The following CCL23 variants were observed in gnomAD, a reference collection of about 807,000 sequenced individuals.
CCL23 encodes C-C motif chemokine 23.
Under a neutral mutation model 11.8 loss-of-function variants are expected in CCL23, and 10 were observed. The ratio of observed to expected loss-of-function variants is 0.84; its 90% CI spans 0.52 to 1.43. The LOEUF (loss-of-function observed/expected upper bound fraction) is 1.43, where lower values mean the gene tolerates loss of function less well. CCL23 is among the 40% of genes most tolerant of loss of function. The pLI, the probability that CCL23 is intolerant of heterozygous loss-of-function variation, is 0.00. For synonymous variants in CCL23, 60 were observed against 61.0 expected, an observed-to-expected ratio of 0.98 and a Z score of 0.07; for missense variants, 181 against 170.9, an observed-to-expected ratio of 1.06 and a Z score of -0.33.
chr17:36,016,554 G>C (rs1024496013), intron 1 of CCL23, among the ~76,000 whole-genome samples: 1 of 151,924 alleles, frequency 6.6e-6, no homozygotes, highest in African/African-American at 2.4e-5. Flanking sequence ...GTGCCACATT[G>C]TCTTTATCCA....
rs2090071454 is a variant in CCL23, at chr17:36,013,299, G to A, written c.312C>T (p.Thr104=). The A allele has an allele frequency of 6.2e-7, 1 of 1,611,468 alleles. No individual in the cohort carries two copies. Among genetic ancestry groups the A allele is most frequent in the East Asian group, 2.2e-5 (1 of 44,862 alleles). ...ECSKPGVIFL[T]KKGRRFCANP... ...TGGCACAGAAACGTCGCCCCTTCTT[G>A]GTGAGGAAGCTAGGGAACAAGGGGG... The change falls in exon 4 of 4, where the codon ACC becomes ACT. Residue 104 remains threonine, a synonymous_variant. Coordinates refer to ENST00000615050, the MANE Select transcript of CCL23 (RefSeq NM_005064.6).
chr17:36,014,415 G>A (rs200275012), intron 1 of CCL23, 22 bp from the exon 2 acceptor site: 3 of 1,601,108 alleles, frequency 1.9e-6, no homozygotes, highest in African/African-American at 1.3e-5. Context: ...AGACAGGACA[G>A]GGAAGGAAAT....
intron 1 of CCL23, among the ~76,000 whole-genome samples, chr17:36,015,300 T>A (rs908353399): frequency 6.6e-6 from 1 of 152,236 alleles, no homozygotes; most frequent in Non-Finnish European, 1.5e-5. Flanking sequence ...CTTAAATTTT[T>A]ATTTTTTCTT....
At chr17:36,017,404 T>C (rs1164760630) in intron 1 of CCL23, among the ~76,000 whole-genome samples, 1 of 152,134 alleles carries the variant, frequency 6.6e-6, no homozygotes, top group Non-Finnish European at 1.5e-5. Flanking sequence ...CTTGGTTGAG[T>C]CATTTGTGTG....
chr17:36,015,037 A>G (rs959900691), intron 1 of CCL23, among the ~76,000 whole-genome samples: 4 of 152,196 alleles, frequency 2.6e-5, no homozygotes, highest in African/African-American at 9.7e-5. Context: ...ATACACTCAA[A>G]TAACTATGCA....
chr17:36,014,470 C>T, intron 1 of CCL23, 77 bp from the exon 2 acceptor site: 9 of 1,126,342 alleles, frequency 8.0e-6, no homozygotes, highest in East Asian at 2.4e-5. Flanking sequence ...CACCCCATTG[C>T]TCATCCTCCT....
In CCL23 at chr17:36,013,079, A is replaced by G; in HGVS notation, c.*118T>C. The G allele has an allele frequency of 4.5e-6, 3 of 669,148 alleles. No individual in the cohort carries two copies. The highest frequency in any genetic ancestry group is 8.1e-6 in the Non-Finnish European group (3 of 369,676). 41.5% of individuals were successfully genotyped at this position (669,148 alleles called of 1,614,324 possible). A position where few individuals can be genotyped will look rare whatever the true frequency, so the allele number is the denominator to read the frequency against. On this transcript the variant is annotated 3_prime_UTR_variant, in exon 4 of 4. Transcript: ENST00000615050. Reference sequence around the variant, plus strand: ...AAAAAAGTGAGAAACTGTTTATTAGATGAATTGCTCTAAATCCAGAACACA... The same window carrying G: ...AAAAAAGTGAGAAACTGTTTATTAGGTGAATTGCTCTAAATCCAGAACACA...
Position 36,017,878 on chromosome 17 carries a change from G to T in CCL23, c.20C>A (p.Ala7Asp), listed in dbSNP as rs1215741566. 6.2e-7 allele frequency: 1 copy of T among 1,613,974 alleles called. No homozygotes were observed. Among genetic ancestry groups the T allele is most frequent in the Admixed American group, 1.7e-5 (1 of 60,024 alleles). The part of the protein sequence containing the change: MKVSVA[A>D]LSCLMLVTAL... Reference sequence around the variant, plus strand: ...AGTAACAAGCATGAGGCAGGAGAGGGCAGCCACGGAGACCTTCATCCTCCT... The same window carrying T: ...AGTAACAAGCATGAGGCAGGAGAGGTCAGCCACGGAGACCTTCATCCTCCT... The change falls in exon 1 of 4, where the codon GCC (alanine) becomes GAC (aspartate). Residue 7 changes from alanine to aspartate, a missense_variant. Transcript: ENST00000615050.
chr17:36,013,350 C>T, intron 3 of CCL23, 42 bp from the exon 4 acceptor site: 1 of 1,321,460 alleles, frequency 7.6e-7, no homozygotes, highest in Non-Finnish European at 1.1e-6. Context: ...TGAGGTGTGT[C>T]CAGCACATGG....
chr17:36,013,689 A>G, intron 3 of CCL23, 55 bp downstream of exon 3: 2 of 1,580,014 alleles, frequency 1.3e-6, no homozygotes, highest in Non-Finnish European at 8.7e-7. Context: ...TCCTCCCTGC[A>G]AGATGCTACA....
chr17:36,014,243 CT>C (rs2090080750), intron 2 of CCL23, 90 bp downstream of exon 2: 3 of 995,662 alleles, frequency 3.0e-6, no homozygotes, highest in Admixed American at 3.4e-5. Flanking sequence ...TCTCATTCTC[CT>C]CCCATTCTGT....
chr17:36,014,205 T>C, intron 2 of CCL23, 129 bp downstream of exon 2: 1 of 761,622 alleles, frequency 1.3e-6, no homozygotes, highest in Admixed American at 2.0e-5. Flanking sequence ...CTGATCTTCC[T>C]TGGAGATGTT....
At chr17:36,013,552 C>A in intron 3 of CCL23, 192 bp downstream of exon 3, 1 of 633,010 alleles carries the variant, frequency 1.6e-6, no homozygotes, top group South Asian at 1.9e-5. Context: ...TTTCTTCTTC[C>A]TTCCCCACCC....
intron 1 of CCL23, among the ~76,000 whole-genome samples, chr17:36,017,104 G>A (rs1055424165): frequency 9.2e-5 from 14 of 151,928 alleles, no homozygotes; most frequent in Non-Finnish European, 1.3e-4. Context: ...TAATTCCACC[G>A]CTTAATAGTT....
intron 1 of CCL23, among the ~76,000 whole-genome samples, chr17:36,016,439 C>T (rs938178395): frequency 6.6e-6 from 1 of 152,078 alleles, no homozygotes; most frequent in African/African-American, 2.4e-5. Context: ...CTTTCTGTTT[C>T]TGTGTTAGTT....
At chr17:36,017,600 G>T (rs2090106866) in intron 1 of CCL23, among the ~76,000 whole-genome samples, 1 of 152,188 alleles carries the variant, frequency 6.6e-6, no homozygotes, top group African/African-American at 2.4e-5. Flanking sequence ...GCTGTGAAAA[G>T]GGAAATGATT....
At chr17:36,013,694 G>A (rs1371101999) in intron 3 of CCL23, 50 bp downstream of exon 3, 12 of 1,591,082 alleles carry the variant, frequency 7.5e-6, no homozygotes, top group Non-Finnish European at 1.0e-5. Flanking sequence ...CCTGCAAGAT[G>A]CTACAGAGTC....
rs774564379 is a variant in CCL23, at chr17:36,017,840, G to A, written c.58C>T (p.Gln20Ter). 1.4e-5 allele frequency: 23 copies of A among 1,613,966 alleles called. No homozygotes were observed. Among genetic ancestry groups the A allele is most frequent in the Non-Finnish European group, 2.5e-6 (3 of 1,180,014 alleles). ...CLMLVTALGSQARVTKDAETE... is the reference protein window; with the variant it reads ...CLMLVTALGS ...GACTCACCTTTTGTGACCCGGGCCT[G>A]GGATCCAAGGGCAGTAACAAGCATG... The change falls in exon 1 of 4, where the codon CAG becomes TAG. Residue 20 changes from glutamine to a stop codon, truncating the protein, a stop_gained. Transcript: ENST00000615050. LOFTEE classifies it high-confidence loss of function.
chr17:36,015,318 C>A (rs1191425473), intron 1 of CCL23, among the ~76,000 whole-genome samples: 1 of 152,200 alleles, frequency 6.6e-6, no homozygotes, highest in East Asian at 1.9e-4. Context: ...CTTACTTCAA[C>A]ATTCAAGGGA....
Sources: allele counts gnomAD v4.1 joint callset (sites outside exome capture counted in the v4.1 genomes callset), GRCh38; gene constraint gnomAD v4.1.1; transcripts MANE v1.5; gene names NCBI Gene and HGNC (gene_info 2026-07-23, HGNC 2026-07-21).